PFKFB3: variants seen among roughly 807,000 people sequenced by gnomAD.
PFKFB3 encodes the protein 6-phosphofructo-2-kinase/fructose-2,6-biphosphatase 3.
In PFKFB3, 33 loss-of-function variants were observed where a neutral mutation model predicts 68.0. The observed-to-expected ratio is 0.49, with a 90% CI of 0.37 to 0.65. PFKFB3 has a LOEUF of 0.65. Ranked by LOEUF, PFKFB3 falls within the 30% of genes least tolerant of loss-of-function variation. The probability of loss-of-function intolerance (pLI) is 0.00; values close to 1 mark genes in which losing one functional copy is unlikely to be tolerated. For missense variants in PFKFB3, 586 were observed against 712.2 expected (o/e 0.82, Z 2.02); for synonymous variants, 315 against 288.2 (o/e 1.09, Z -0.94).
chr10:6,235,501 G>C lies in PFKFB3; in HGVS notation c.*2559G>C, dbSNP rs906812887. 1 of 152,248 alleles carries C rather than the reference G, an allele frequency of 6.6e-6. No individual in the cohort carries two copies. Among genetic ancestry groups the C allele is most frequent in the African/African-American group, 2.4e-5 (1 of 41,424 alleles). The allele number at this position is 152,248 out of a possible 1,614,324, so 9.4% of individuals were successfully genotyped here. A position where few individuals can be genotyped will look rare whatever the true frequency, so the allele number is the denominator to read the frequency against. On this transcript the variant is annotated 3_prime_UTR_variant, in exon 15 of 15. Coordinates refer to ENST00000379775, the MANE Select transcript of PFKFB3 (RefSeq NM_004566.4). The stretch of plus-strand genomic sequence containing the variant: ...TCAGAAATTTGTATATTTTGCAGTT[G>C]CCAGACCAATAAAATACCTGGTTGA...
the PFKFB3 span, among the ~76,000 whole-genome samples, chr10:6,260,408 C>G: frequency 9.8e-5 from 8 of 81,740 alleles, no homozygotes; most frequent in Non-Finnish European, 1.7e-4. Flanking sequence ...AGCGAGACTC[C>G]GTCTCAAAAA....
At chr10:6,263,208 G>A in the PFKFB3 span, among the ~76,000 whole-genome samples, 1 of 152,224 alleles carries the variant, frequency 6.6e-6, no homozygotes, top group East Asian at 1.9e-4. Flanking sequence ...ATGAAGGGAT[G>A]GGCCGAATTA....
intron 1 of PFKFB3, among the ~76,000 whole-genome samples, chr10:6,190,942 C>A (rs959443631): frequency 6.6e-6 from 1 of 152,108 alleles, no homozygotes; most frequent in African/African-American, 2.4e-5. Context: ...ACATGCCCAG[C>A]TAATTTTTGT....
At chr10:6,307,541 C>G in the PFKFB3 span, among the ~76,000 whole-genome samples, 53 of 150,166 alleles carry the variant, frequency 3.5e-4, no homozygotes, top group Admixed American at 7.3e-4. Context: ...TTCCTTCCTT[C>G]CTTCCTTCCT....
intron 1 of PFKFB3, chr10:6,146,422 G>C (rs1321669582): frequency 2.6e-6 from 4 of 1,535,572 alleles, no homozygotes; most frequent in Non-Finnish European, 3.5e-6. Context: ...CAGCAAGCAG[G>C]GGCTCTGCCA....
intron 14 of PFKFB3, among the ~76,000 whole-genome samples, chr10:6,242,511 G>A (rs918431567): frequency 4.6e-5 from 7 of 152,174 alleles, no homozygotes; most frequent in East Asian, 1.9e-4. Context: ...TAACTATTAT[G>A]CATGGTCTCT....
chr10:6,147,028 G>T (rs1434070253), intron 1 of PFKFB3, among the ~76,000 whole-genome samples: 1 of 152,152 alleles, frequency 6.6e-6, no homozygotes, highest in Non-Finnish European at 1.5e-5. Context: ...AGGCTTTATC[G>T]AGGCAGAGCT....
downstream of PFKFB3, among the ~76,000 whole-genome samples, chr10:6,257,960 G>A (rs1846506853): frequency 6.6e-6 from 1 of 152,146 alleles, no homozygotes; most frequent in Non-Finnish European, 1.5e-5. Context: ...ACAGGTCTCA[G>A]AAGAGAGTTA....
rs753444755 is a variant in PFKFB3, at chr10:6,229,878, C to T, written c.1516-3017C>T. On this transcript the variant is annotated intron_variant, in intron 14 of 14. Transcript: ENST00000379775. The surrounding 1 kb of genome is among the most constrained non-coding windows in gnomAD (Gnocchi z 4.3). The stretch of plus-strand genomic sequence containing the variant: ...CTGGCATTAGATTCTCTGAAGGGAA[C>T]GCACAGCCTAGATCCCTCGTGTGTG... 3.3e-5 allele frequency among the ~76,000 whole-genome samples: 5 copies of T among 152,136 alleles called. No homozygotes were observed. Among genetic ancestry groups the T allele is most frequent in the Admixed American group, 2.0e-4 (3 of 15,278 alleles).
the PFKFB3 span, among the ~76,000 whole-genome samples, chr10:6,275,217 G>A: frequency 2.0e-4 from 31 of 152,310 alleles, no homozygotes; most frequent in Non-Finnish European, 3.8e-4. This position sits in a 1 kb window ranked among gnomAD's most constrained non-coding sequence, Gnocchi z 4.9. Flanking sequence ...TTGTCATGGC[G>A]ACAAACCGAT....
In PFKFB3 at chr10:6,146,260, CG is replaced by C. The variant is rs1841385715; in HGVS notation, c.16+1249del. 2.1e-6 allele frequency: 3 copies of C among 1,462,622 alleles called. No individual in the cohort carries two copies. In the Admixed American group the frequency reaches 6.9e-5, roughly 34 times the overall value. 90.6% of individuals were successfully genotyped at this position (1,462,622 alleles called of 1,614,324 possible). ...CAGAGGCACGGCCAGCGTGATGCTA[CG>C]GTTGCCTGGAGGCTGTACCGGACTT... On this transcript the variant is annotated intron_variant, in intron 1 of 14. Transcript: ENST00000379789.
intron 1 of PFKFB3, among the ~76,000 whole-genome samples, chr10:6,177,645 C>T (rs1161916855): frequency 6.6e-6 from 1 of 151,500 alleles, no homozygotes; most frequent in South Asian, 2.1e-4. Flanking sequence ...CCTGCCTCAG[C>T]CTAACAAGTA....
At chr10:6,280,036 G>A in the PFKFB3 span, among the ~76,000 whole-genome samples, 7 of 152,160 alleles carry the variant, frequency 4.6e-5, no homozygotes, top group East Asian at 3.9e-4. Flanking sequence ...CACGCTGTCC[G>A]TGTCACACAG....
the PFKFB3 span, among the ~76,000 whole-genome samples, chr10:6,306,475 A>G: frequency 6.6e-6 from 1 of 152,260 alleles, no homozygotes; most frequent in Non-Finnish European, 1.5e-5. Context: ...GACAGGCCAG[A>G]GGCCATCATC....
chr10:6,191,909 C>T (rs1307385489), intron 1 of PFKFB3, among the ~76,000 whole-genome samples: 2 of 151,994 alleles, frequency 1.3e-5, no homozygotes, highest in South Asian at 2.1e-4. Flanking sequence ...CCAGGTGGCT[C>T]GGACACCCTG....
At chr10:6,326,425 A>G in the PFKFB3 span, 2 of 410,182 alleles carry the variant, frequency 4.9e-6, no homozygotes, top group Middle Eastern at 4.9e-4. Context: ...CACATCCTGC[A>G]CATGTACCCC....
exon 15 of PFKFB3, chr10:6,254,403 GC>G (rs1005104683): frequency 1.5e-5 from 6 of 398,460 alleles, no homozygotes; most frequent in African/African-American, 1.2e-4. Context: ...ATTAACCTGA[GC>G]TGCTGAGGAC....
the PFKFB3 span, among the ~76,000 whole-genome samples, chr10:6,263,808 C>T: frequency 6.6e-6 from 1 of 152,322 alleles, no homozygotes; most frequent in Non-Finnish European, 1.5e-5. Flanking sequence ...GCCTTGGCCT[C>T]CCAAGTAGCT....
the PFKFB3 span, among the ~76,000 whole-genome samples, chr10:6,303,163 T>C: frequency 6.6e-6 from 1 of 152,224 alleles, no homozygotes; most frequent in South Asian, 2.1e-4. Flanking sequence ...AACTCTTTTA[T>C]GATTTATGGA....
Sources: allele counts gnomAD v4.1 joint callset (sites outside exome capture counted in the v4.1 genomes callset), GRCh38; gene constraint gnomAD v4.1.1; non-coding constraint Gnocchi (gnomAD v3.1); transcripts MANE v1.5; gene names NCBI Gene and HGNC (gene_info 2026-07-23, HGNC 2026-07-21).